FUT8: variants seen among roughly 807,000 people sequenced by gnomAD.
FUT8 encodes fucosyltransferase 8, also known as alpha-(1,6)-fucosyltransferase.
A neutral mutation model predicts 71.3 loss-of-function variants in FUT8; 29 were observed. That is an observed-to-expected ratio of 0.41 (90% confidence interval 0.30 to 0.55). The LOEUF is 0.55. Ranked by LOEUF, FUT8 falls within the 20% of genes least tolerant of loss-of-function variation. The pLI, the probability that FUT8 is intolerant of heterozygous loss-of-function variation, is 0.34. For synonymous variants in FUT8, 254 were observed against 239.3 expected (o/e 1.06, Z -0.57); for missense variants, 544 against 702.1 (o/e 0.77, Z 2.55).
At chr14:65,373,477 G>A in the FUT8 span, among the ~76,000 whole-genome samples, 107 of 152,052 alleles carry the variant, frequency 7.0e-4, no homozygotes, top group African/African-American at 2.6e-3. Context: ...GAGATAGGAT[G>A]CAGAAAGACC....
intron 2 of FUT8, among the ~76,000 whole-genome samples, chr14:65,461,347 CATT>C (rs2065966048): frequency 6.6e-6 from 1 of 152,164 alleles, no homozygotes; most frequent in Non-Finnish European, 1.5e-5. Context: ...TCCAGAATGA[CATT>C]ATATCAACTT....
At chr14:65,598,786 C>A (rs956449058) in intron 3 of FUT8, among the ~76,000 whole-genome samples, 1 of 151,910 alleles carries the variant, frequency 6.6e-6, no homozygotes, top group Non-Finnish European at 1.5e-5. Flanking sequence ...TTTGATGGTT[C>A]TTGGAACATA....
At chr14:65,463,227 C>T (rs2065993426) in intron 2 of FUT8, among the ~76,000 whole-genome samples, 1 of 152,144 alleles carries the variant, frequency 6.6e-6, no homozygotes, top group Non-Finnish European at 1.5e-5. Flanking sequence ...ATTCACATTT[C>T]TATTCTAGTC....
chr14:65,608,141 A>G (rs1429092967), intron 3 of FUT8, among the ~76,000 whole-genome samples: 2 of 151,360 alleles, frequency 1.3e-5, no homozygotes, highest in African/African-American at 2.4e-5. Flanking sequence ...AAATTTTTAT[A>G]TATTATTGAG....
intron 3 of FUT8, among the ~76,000 whole-genome samples, chr14:65,594,630 G>C (rs546057901): frequency 5.3e-5 from 8 of 152,272 alleles, no homozygotes; most frequent in South Asian, 2.1e-4. Context: ...AGGTCATGCA[G>C]ATGAACTGAA....
intron 10 of FUT8, among the ~76,000 whole-genome samples, chr14:65,736,456 G>A (rs974538964): frequency 3.3e-5 from 5 of 151,356 alleles, no homozygotes; most frequent in African/African-American, 1.2e-4. Context: ...CTTAGGGTCC[G>A]TAAAGAAGAG....
chr14:65,615,296 G>A (rs1889222959), intron 3 of FUT8, among the ~76,000 whole-genome samples: 1 of 152,052 alleles, frequency 6.6e-6, no homozygotes, highest in Non-Finnish European at 1.5e-5. Context: ...TTGTAATGAT[G>A]GGGGATTGCT....
At chr14:65,573,678 G>A (rs893362861) in intron 3 of FUT8, among the ~76,000 whole-genome samples, 1 of 150,496 alleles carries the variant, frequency 6.6e-6, no homozygotes, top group African/African-American at 2.4e-5. Context: ...CCCAATGATC[G>A]TGCCTGTGAA....
upstream of FUT8, chr14:65,412,125 C>G (rs1478569059): frequency 2.2e-6 from 1 of 454,794 alleles, no homozygotes; most frequent in South Asian, 1.6e-5. Flanking sequence ...AACTCAGGCC[C>G]TCGTGGGGGG....
intron 2 of FUT8, among the ~76,000 whole-genome samples, chr14:65,513,655 C>T (rs78128099): frequency 0.015 from 2,269 of 151,598 alleles, 18 homozygotes; most frequent in South Asian, 0.024. Flanking sequence ...AAAAACAAAA[C>T]AAAAAATCGA....
At chr14:65,572,763 C>T (rs967398931) in intron 3 of FUT8, among the ~76,000 whole-genome samples, 4 of 152,120 alleles carry the variant, frequency 2.6e-5, no homozygotes, top group Admixed American at 6.6e-5. Flanking sequence ...CAGTCCTTAA[C>T]ATGTATGCAC....
chr14:65,595,708 A>C (rs112040118), intron 3 of FUT8, among the ~76,000 whole-genome samples: 16 of 138,754 alleles, frequency 1.2e-4, no homozygotes, highest in African/African-American at 4.0e-4. Flanking sequence ...TCCCGGGTTC[A>C]TGCTGTTCTC....
chr14:65,552,608 A>G (rs1885352076), intron 2 of FUT8, among the ~76,000 whole-genome samples: 1 of 152,222 alleles, frequency 6.6e-6, no homozygotes, highest in African/African-American at 2.4e-5. Context: ...CGAAGTGATC[A>G]TCCTGAAGAA....
rs1888562338 is a variant in FUT8 at position 65,605,968 on chromosome 14, G to A, written c.204-10010G>A. Among the ~76,000 whole-genome samples, 2 of 151,232 alleles carry A rather than the reference G, an allele frequency of 1.3e-5. 1 individual carries two copies. Among genetic ancestry groups the A allele is most frequent in the Admixed American group, 1.3e-4 (2 of 15,146 alleles). ...GCCTTTTTCTTACAGATTTGAAGGA[G>A]TTCTTTATAAAATCTATATAATAAT... is the stretch of plus-strand genomic sequence containing the variant. On this transcript the variant is annotated intron_variant, in intron 3 of 10. Transcript: ENST00000673929.
intron 2 of FUT8, among the ~76,000 whole-genome samples, chr14:65,511,313 A>T (rs1234828458): frequency 2.6e-5 from 4 of 151,912 alleles, no homozygotes; most frequent in Non-Finnish European, 5.9e-5. Flanking sequence ...ATGTTTTAAG[A>T]CTTGTTTTGT....
the FUT8 span, among the ~76,000 whole-genome samples, chr14:65,405,180 C>T: frequency 6.6e-6 from 1 of 152,188 alleles, no homozygotes; most frequent in Non-Finnish European, 1.5e-5. Flanking sequence ...GCATCTCCTT[C>T]ATTTTCATGA....
At chr14:65,359,958 G>A in the FUT8 span, among the ~76,000 whole-genome samples, 5 of 151,882 alleles carry the variant, frequency 3.3e-5, no homozygotes, top group African/African-American at 4.8e-5. Flanking sequence ...TCAGCCTCCC[G>A]AGTAGCTGGG....
intron 7 of FUT8, among the ~76,000 whole-genome samples, chr14:65,692,555 G>A (rs1220144753): frequency 6.8e-6 from 1 of 146,024 alleles, no homozygotes; most frequent in African/African-American, 2.5e-5. Flanking sequence ...CCGGGAGGGG[G>A]GCTGACCCCC....
At chr14:65,428,795 G>T (rs1470486352) in intron 1 of FUT8, among the ~76,000 whole-genome samples, 1 of 152,218 alleles carries the variant, frequency 6.6e-6, no homozygotes, top group East Asian at 1.9e-4. Context: ...AACTTGTTAT[G>T]AAGAGAAGTA....
Sources: gnomAD v4.1 joint callset for allele counts (sites outside exome capture counted in the v4.1 genomes callset) on GRCh38, gnomAD v4.1.1 for gene constraint, MANE v1.5 for transcripts, NCBI Gene and HGNC (gene_info 2026-07-23, HGNC 2026-07-21) for gene names.